The following DMD variants were observed in gnomAD, a reference collection of about 807,000 sequenced individuals.
DMD encodes the protein mutant dystrophin.
A neutral mutation model predicts 330.1 loss-of-function variants in DMD; 63 were observed. The observed-to-expected ratio is 0.19, with a 90% CI of 0.16 to 0.24. The LOEUF (loss-of-function observed/expected upper bound fraction) is 0.24. Among genes scored for constraint, DMD ranks in the 10% least tolerant of loss-of-function variants. DMD has a pLI of 1.00. For synonymous variants in DMD, 1,223 were observed against 959.8 expected, an observed-to-expected ratio of 1.27 and a Z score of -5.07; for missense variants, 3,344 against 2,684.1, an observed-to-expected ratio of 1.25 and a Z score of -5.43.
chrX:32,327,449 T>G (rs3788899), intron 41 of DMD, among the ~76,000 whole-genome samples: 54,560 of 109,314 alleles, frequency 0.5, 10,969 homozygotes, highest in South Asian at 0.72. Context: ...AAAGTGCCAC[T>G]GTGTGTATAG....
intron 44 of DMD, among the ~76,000 whole-genome samples, chrX:32,114,053 C>A (rs1349446091): frequency 2.7e-5 from 3 of 112,031 alleles, no homozygotes; most frequent in African/African-American, 9.7e-5. Context: ...ATTAAGTAAT[C>A]CAGATCACAC....
At chrX:32,483,204 A>C (rs949420938) in intron 21 of DMD, among the ~76,000 whole-genome samples, 8 of 90,160 alleles carry the variant, frequency 8.9e-5, no homozygotes, top group African/African-American at 2.3e-4. Flanking sequence ...TAATCTAGAC[A>C]AGCATTCCAA....
chrX:31,907,555 A>C (rs2094492944), intron 47 of DMD, among the ~76,000 whole-genome samples: 1 of 111,958 alleles, frequency 8.9e-6, no homozygotes, highest in Admixed American at 9.5e-5. Flanking sequence ...CCTTATACAA[A>C]AATTAATTAA....
intron 1 of DMD, among the ~76,000 whole-genome samples, chrX:33,338,458 GC>G: frequency 1.3e-5 from 1 of 78,024 alleles, no homozygotes; most frequent in Non-Finnish European, 2.6e-5. Context: ...TCATTAAAGG[GC>G]AAAATAAATA....
chrX:33,317,883 A>C (rs12844531), intron 1 of DMD, among the ~76,000 whole-genome samples: 1,438 of 111,858 alleles, frequency 0.013, 12 homozygotes, highest in Middle Eastern at 0.019. Flanking sequence ...AGTCTAGTCC[A>C]TTATTAACAG....
At chrX:32,780,968 A>G (rs1472211678) in intron 7 of DMD, among the ~76,000 whole-genome samples, 1 of 108,766 alleles carries the variant, frequency 9.2e-6, no homozygotes, top group African/African-American at 3.3e-5. Context: ...AAATAAAAAA[A>G]TTAGCCGGGC....
At chrX:32,837,924 T>C (rs1181814856) in intron 4 of DMD, among the ~76,000 whole-genome samples, 1 of 111,863 alleles carries the variant, frequency 8.9e-6, no homozygotes, top group Admixed American at 9.5e-5. Context: ...CTATTGCTCT[T>C]CTTGCACATC....
At chrX:32,470,768 A>G (rs1326729021) in intron 22 of DMD, among the ~76,000 whole-genome samples, 3 of 112,003 alleles carry the variant, frequency 2.7e-5, no homozygotes, top group Non-Finnish European at 5.6e-5. Context: ...GACAATACAT[A>G]ATGAAAGTTG....
chrX:32,309,211 G>A (rs1158793118), intron 42 of DMD, among the ~76,000 whole-genome samples: 2 of 111,319 alleles, frequency 1.8e-5, no homozygotes. Flanking sequence ...TATTCATACA[G>A]GCAAATGTGT....
intron 62 of DMD, among the ~76,000 whole-genome samples, chrX:31,280,390 G>A (rs761393322): frequency 9.0e-6 from 1 of 111,377 alleles, no homozygotes; most frequent in Non-Finnish European, 1.9e-5. Context: ...TCTTGAAAAT[G>A]CAAAGTAATA....
chrX:31,431,047 G>A (rs192931067), intron 60 of DMD, among the ~76,000 whole-genome samples: 54 of 109,492 alleles, frequency 4.9e-4, no homozygotes, highest in African/African-American at 1.7e-3. Context: ...TAATTCACCC[G>A]CCTCGGCCTC....
At chrX:32,457,111 G>C (rs1569563349) in intron 25 of DMD, among the ~76,000 whole-genome samples, 2 of 109,094 alleles carry the variant, frequency 1.8e-5, no homozygotes, top group Non-Finnish European at 1.9e-5. Context: ...TTCAAATTTA[G>C]TGGTCAGGGC....
intron 47 of DMD, among the ~76,000 whole-genome samples, chrX:31,913,958 T>C (rs7061886): frequency 0.098 from 10,927 of 111,836 alleles, 1,270 homozygotes; most frequent in African/African-American, 0.33. Context: ...CTGGACTGCG[T>C]CAGATCCACC....
At chrX:33,266,285 C>T (rs150093913) in intron 1 of DMD, among the ~76,000 whole-genome samples, 1,407 of 111,624 alleles carry the variant, frequency 0.013, 10 homozygotes, top group Middle Eastern at 0.032. Context: ...AGTCTTACAA[C>T]GTAGATGATT....
At chrX:33,164,810 T>C (rs2048971983) in intron 1 of DMD, among the ~76,000 whole-genome samples, 1 of 111,019 alleles carries the variant, frequency 9.0e-6, no homozygotes, top group Non-Finnish European at 1.9e-5. Context: ...AATAGATCAT[T>C]GCACTCTCCT....
At chrX:32,962,363 C>A (rs2091934879) in intron 2 of DMD, among the ~76,000 whole-genome samples, 1 of 111,754 alleles carries the variant, frequency 8.9e-6, no homozygotes, top group African/African-American at 3.2e-5. Flanking sequence ...TCTATATGCC[C>A]TTTCACCATA....
intron 50 of DMD, among the ~76,000 whole-genome samples, chrX:31,816,713 G>A (rs1316495378): frequency 9.3e-6 from 1 of 107,566 alleles, no homozygotes; most frequent in African/African-American, 3.4e-5. Flanking sequence ...CAGGAGAATC[G>A]CTTGAACCTG....
chrX:32,676,226 C>A (rs770686698), intron 9 of DMD, among the ~76,000 whole-genome samples: 1 of 111,226 alleles, frequency 9.0e-6, no homozygotes, highest in Non-Finnish European at 1.9e-5. Flanking sequence ...ATAACACATT[C>A]TTCAGTTGAA....
intron 1 of DMD, among the ~76,000 whole-genome samples, chrX:33,035,257 A>G (rs1040766856): frequency 4.5e-5 from 5 of 111,275 alleles, no homozygotes; most frequent in Non-Finnish European, 9.4e-5. Context: ...CTCTGTCACC[A>G]TTGTACCATT....
Sources: gnomAD v4.1 joint callset for allele counts (sites outside exome capture counted in the v4.1 genomes callset) on GRCh38, gnomAD v4.1.1 for gene constraint, MANE v1.5 for transcripts, NCBI Gene and HGNC (gene_info 2026-07-23, HGNC 2026-07-21) for gene names.